TMEM45A: variants seen among roughly 807,000 people sequenced by gnomAD.
The protein encoded by TMEM45A is DNA polymerase-transactivated protein 4.
TMEM45A carries 25 observed loss-of-function variants against 32.0 expected under a neutral mutation model. The ratio of observed to expected loss-of-function variants is 0.78; its 90% CI spans 0.57 to 1.09. TMEM45A has a LOEUF of 1.09. Among genes scored for constraint, TMEM45A ranks in the 50% least tolerant of loss-of-function variants. TMEM45A has a pLI of 0.00. For synonymous variants in TMEM45A, 122 were observed against 114.8 expected, an observed-to-expected ratio of 1.06 and a Z score of -0.40; for missense variants, 302 against 325.0, an observed-to-expected ratio of 0.93 and a Z score of 0.54.
In TMEM45A at chr3:100,497,932, T is replaced by G. The variant is rs78558526; in HGVS notation, c.-4+5004T>G. On this transcript the variant is annotated intron_variant, in intron 1 of 5. Transcript: ENST00000323523. ...TGTTTCTTTGAAGATATTTTTTAGT[T>G]GATGATATGGTTTGGCTTTGTGTCC... Among the ~76,000 whole-genome samples the G allele has an allele frequency of 8.2e-3, 1,247 of 152,356 alleles. 16 individuals carry two copies. The highest frequency in any genetic ancestry group is 0.028 in the African/African-American group (1,168 of 41,584).
At position 100,559,981 on chromosome 3, in the gene TMEM45A, G is replaced by A. The variant is rs200439648; in HGVS notation, c.588+1392G>A. On this transcript the variant is annotated intron_variant, in intron 4 of 5. Transcript: ENST00000323523. ...GAGCAAGAGTCGAGCTGAGCCTGCAGGCCCAGAGCAGACGGTGATGGTTGG... is the reference window on the plus strand; with the variant it reads ...GAGCAAGAGTCGAGCTGAGCCTGCAAGCCCAGAGCAGACGGTGATGGTTGG... Among the ~76,000 whole-genome samples, 101 of 152,294 alleles carry A rather than the reference G, an allele frequency of 6.6e-4. 3 individuals carry two copies. In the East Asian group the frequency reaches 0.018, roughly 27 times the overall value.
At chr3:100,556,327 T>C (rs1433272335) in intron 2 of TMEM45A, among the ~76,000 whole-genome samples, 6 of 152,234 alleles carry the variant, frequency 3.9e-5, no homozygotes, top group African/African-American at 1.4e-4. Context: ...AGCTGAACTC[T>C]TTAGCATTTT....
At chr3:100,517,376 G>A (rs889652603) in intron 1 of TMEM45A, among the ~76,000 whole-genome samples, 1 of 152,134 alleles carries the variant, frequency 6.6e-6, no homozygotes, top group Non-Finnish European at 1.5e-5. Flanking sequence ...ATAAGCCACC[G>A]CACCCGGCTG....
In TMEM45A at chr3:100,555,337, C is replaced by A; in HGVS notation, c.126C>A (p.Ser42=). The part of the protein sequence containing the change: ...KKQKRTCYLG[S]KTLFYRLEIL... Reference sequence around the variant, plus strand: ...AAAAGCGAACCTGCTATCTTGGTTCCAAAACATTATTCTATCGATTGGAAA... The same window carrying A: ...AAAAGCGAACCTGCTATCTTGGTTCAAAAACATTATTCTATCGATTGGAAA... Residue 42 remains serine (S), a synonymous_variant, in exon 2 of 6, where the codon TCC becomes TCA. Transcript: ENST00000323523. 6.2e-7 allele frequency: 1 copy of A among 1,613,890 alleles called. No homozygotes were observed. Among genetic ancestry groups the A allele is most frequent in the Non-Finnish European group, 8.5e-7 (1 of 1,179,918 alleles).
At chr3:100,545,999 T>C (rs951236600) in intron 1 of TMEM45A, among the ~76,000 whole-genome samples, 5 of 152,346 alleles carry the variant, frequency 3.3e-5, no homozygotes, top group South Asian at 2.1e-4. Flanking sequence ...ACATGAGTTC[T>C]CAAAATTAGA....
chr3:100,560,006 GT>G (rs1251338697), intron 4 of TMEM45A, among the ~76,000 whole-genome samples: 5 of 152,210 alleles, frequency 3.3e-5, no homozygotes, highest in African/African-American at 1.2e-4. Flanking sequence ...GTGATGGTTG[GT>G]TTTTTGGCTC....
intron 1 of TMEM45A, among the ~76,000 whole-genome samples, chr3:100,495,244 G>C (rs1707906574): frequency 6.6e-6 from 1 of 152,222 alleles, no homozygotes; most frequent in South Asian, 2.1e-4. Flanking sequence ...GCAGGGAATA[G>C]AAAAAGGCTA....
chr3:100,494,713 A>C (rs1453414382), intron 1 of TMEM45A, among the ~76,000 whole-genome samples: 1 of 152,192 alleles, frequency 6.6e-6, no homozygotes, highest in East Asian at 1.9e-4. Context: ...AGTGATTTGC[A>C]GGGAAGCAGG....
intron 1 of TMEM45A, among the ~76,000 whole-genome samples, chr3:100,501,239 A>G (rs1393378517): frequency 6.6e-6 from 1 of 152,234 alleles, no homozygotes; most frequent in Admixed American, 6.5e-5. Flanking sequence ...AATTCTACAG[A>G]CTAGTCCTGT....
Position 100,566,747 on chromosome 3 carries a change from C to A in TMEM45A, c.589-2075C>A, listed in dbSNP as rs116307794. Among the ~76,000 whole-genome samples the A allele has an allele frequency of 8.1e-3, 1,236 of 152,152 alleles. 18 individuals carry two copies. Among genetic ancestry groups the A allele is most frequent in the African/African-American group, 0.028 (1,161 of 41,506 alleles). On this transcript the variant is annotated intron_variant, in intron 4 of 5. Coordinates refer to ENST00000323523, the MANE Select transcript of TMEM45A (RefSeq NM_018004.3). Reference sequence around the variant, plus strand: ...TTTTGATTTGCATTCCCCTGATGAACAATGATATCCATAATCTTTTCATGT... The same window carrying A: ...TTTTGATTTGCATTCCCCTGATGAAAAATGATATCCATAATCTTTTCATGT...
chr3:100,515,224 A>G (rs1160478875), intron 1 of TMEM45A, among the ~76,000 whole-genome samples: 1 of 152,134 alleles, frequency 6.6e-6, no homozygotes, highest in Non-Finnish European at 1.5e-5. Context: ...ACTTGGAACC[A>G]ACCCAAATGT....
intron 1 of TMEM45A, among the ~76,000 whole-genome samples, chr3:100,543,372 C>T (rs1330776908): frequency 3.3e-5 from 5 of 152,110 alleles, no homozygotes; most frequent in East Asian, 1.9e-4. Flanking sequence ...CACTACACAT[C>T]GAATTGCTGG....
intron 3 of TMEM45A, among the ~76,000 whole-genome samples, chr3:100,557,444 C>A (rs888788892): frequency 3.9e-5 from 6 of 151,956 alleles, no homozygotes; most frequent in African/African-American, 1.5e-4. Flanking sequence ...AAAATGCAGT[C>A]ACATAAAAAA....
intron 1 of TMEM45A, among the ~76,000 whole-genome samples, chr3:100,540,088 G>T (rs1576279109): frequency 6.6e-6 from 1 of 151,990 alleles, no homozygotes; most frequent in South Asian, 2.1e-4. Flanking sequence ...GACAATCCAT[G>T]AAAGAAAAAA....
chr3:100,537,209 C>T (rs1304587735), intron 1 of TMEM45A, among the ~76,000 whole-genome samples: 3 of 152,004 alleles, frequency 2.0e-5, no homozygotes, highest in Admixed American at 2.0e-4. Context: ...AGGCATGAGC[C>T]ACCATGCCTG....
At chr3:100,541,524 CTTTTTTTT>C (rs61341173) in intron 1 of TMEM45A, among the ~76,000 whole-genome samples, 2 of 111,268 alleles carry the variant, frequency 1.8e-5, no homozygotes, top group African/African-American at 3.5e-5. Context: ...CTTTTCTTTC[CTTTTTTTT>C]TTTTTTTTTT....
chr3:100,492,634 A>G lies in TMEM45A; in HGVS notation c.-298A>G, dbSNP rs1252899675. ...GGGAACAGATGAAGCACATCTGGAC[A>G]GCTGTGCGGCCTCCTCGCGGGCCGA... On this transcript the variant is annotated 5_prime_UTR_variant, in exon 1 of 6. Coordinates refer to ENST00000323523, the MANE Select transcript of TMEM45A (RefSeq NM_018004.3). The G allele has an allele frequency of 3.9e-5, 6 of 152,268 alleles. No individual in the cohort carries two copies. The East Asian group carries it at 7.7e-4, about 20-fold the overall frequency. The allele number at this position is 152,268 out of a possible 1,614,324, so 9.4% of individuals were successfully genotyped here. A position where few individuals can be genotyped will look rare whatever the true frequency, so the allele number is the denominator to read the frequency against.
intron 1 of TMEM45A, among the ~76,000 whole-genome samples, chr3:100,501,121 A>G (rs1466686587): frequency 6.6e-6 from 1 of 152,228 alleles, no homozygotes. Flanking sequence ...AGAAAGGTAA[A>G]CTGTACTACT....
chr3:100,495,542 G>T (rs1391537450), intron 1 of TMEM45A, among the ~76,000 whole-genome samples: 2 of 152,196 alleles, frequency 1.3e-5, no homozygotes, highest in African/African-American at 4.8e-5. Flanking sequence ...GGAAAGAGAG[G>T]CTTGGGAGGT....
Sources: gnomAD v4.1 joint callset for allele counts (sites outside exome capture counted in the v4.1 genomes callset) on GRCh38, gnomAD v4.1.1 for gene constraint, MANE v1.5 for transcripts, NCBI Gene and HGNC (gene_info 2026-07-23, HGNC 2026-07-21) for gene names.